SNTG2: variants seen among roughly 807,000 people sequenced by gnomAD.
The protein encoded by SNTG2 is syntrophin gamma 2.
SNTG2 carries 74 observed loss-of-function variants against 70.9 expected under a neutral mutation model. The ratio of observed to expected loss-of-function variants is 1.04; its 90% confidence interval spans 0.86 to 1.27. The LOEUF is 1.27. SNTG2 is among the 50% of genes most tolerant of loss of function. The pLI, the probability that SNTG2 is intolerant of heterozygous loss-of-function variation, is 0.00. For missense variants in SNTG2, 717 were observed against 690.7 expected (o/e 1.04, Z -0.43); for synonymous variants, 278 against 273.8 (o/e 1.02, Z -0.15).
intron 14 of SNTG2, among the ~76,000 whole-genome samples, chr2:1,293,340 A>G (rs1680067903): frequency 6.6e-6 from 1 of 151,490 alleles, no homozygotes; most frequent in African/African-American, 2.4e-5. Context: ...TTGTTTTTCT[A>G]TTTTGTCTTT....
chr2:1,134,417 C>T (rs1340307895), intron 4 of SNTG2, among the ~76,000 whole-genome samples: 1 of 151,492 alleles, frequency 6.6e-6, no homozygotes, highest in Non-Finnish European at 1.5e-5. Context: ...AAAGGTTCTC[C>T]ACTTCCCCAC....
chr2:1,258,017 T>C (rs1416471588), intron 12 of SNTG2, among the ~76,000 whole-genome samples: 1 of 152,014 alleles, frequency 6.6e-6, no homozygotes, highest in African/African-American at 2.4e-5. Context: ...CTGGGAAAGA[T>C]AAAAATGGTG....
chr2:1,072,213 G>A (rs932718604), intron 1 of SNTG2, among the ~76,000 whole-genome samples: 2 of 147,684 alleles, frequency 1.4e-5, no homozygotes, highest in Non-Finnish European at 2.9e-5. Context: ...TAGCTGGAGA[G>A]GAGAAGTCAG....
At chr2:1,143,959 A>T (rs1471859204) in intron 6 of SNTG2, among the ~76,000 whole-genome samples, 2 of 62,088 alleles carry the variant, frequency 3.2e-5, no homozygotes, top group Admixed American at 3.3e-4. Context: ...AAAAAAACAG[A>T]AATTTATTGC....
intron 4 of SNTG2, among the ~76,000 whole-genome samples, chr2:1,102,985 G>A (rs912768696): frequency 4.6e-5 from 7 of 152,308 alleles, no homozygotes; most frequent in East Asian, 1.9e-4. Context: ...TGATTGTACC[G>A]TTGAGGTGCG....
intron 1 of SNTG2, among the ~76,000 whole-genome samples, chr2:960,559 A>G (rs538213737): frequency 3.9e-4 from 59 of 151,264 alleles, no homozygotes; most frequent in African/African-American, 1.4e-3. Context: ...GTTCCGGGGC[A>G]CGGCTATAGG....
At chr2:1,090,483 A>T (rs1488616740) in intron 2 of SNTG2, among the ~76,000 whole-genome samples, 1 of 152,210 alleles carries the variant, frequency 6.6e-6, no homozygotes, top group Non-Finnish European at 1.5e-5. Flanking sequence ...GGTTTAAGTC[A>T]GAGGGAGAGA....
rs572616575 is a variant in SNTG2, at chr2:1,259,035, A to T, written c.1006-335A>T. Among the ~76,000 whole-genome samples, 11 of 152,358 alleles carry T rather than the reference A, an allele frequency of 7.2e-5. No individual in the cohort carries two copies. In the South Asian group the frequency reaches 2.3e-3, roughly 32 times the overall value. ...TTAATCCCTAATTTAATCTAAAAGG[A>T]ATCCAAAATGGTTTTCTAAAATTAT... On this transcript the variant is annotated intron_variant, in intron 12 of 16. Coordinates refer to ENST00000308624, the MANE Select transcript of SNTG2 (RefSeq NM_018968.4).
At chr2:1,089,269 G>A (rs1340082292) in intron 2 of SNTG2, among the ~76,000 whole-genome samples, 1 of 152,176 alleles carries the variant, frequency 6.6e-6, no homozygotes, top group African/African-American at 2.4e-5. Flanking sequence ...ACCCAGAATA[G>A]GGTTCACTTT....
intron 2 of SNTG2, among the ~76,000 whole-genome samples, chr2:1,091,339 A>G (rs1051562878): frequency 6.6e-6 from 1 of 152,124 alleles, no homozygotes; most frequent in Admixed American, 6.5e-5. Flanking sequence ...GGCCAGGCCC[A>G]TCAGTACAGG....
chr2:1,280,779 A>G (rs1679478238), intron 14 of SNTG2, among the ~76,000 whole-genome samples: 1 of 152,270 alleles, frequency 6.6e-6, no homozygotes, highest in African/African-American at 2.4e-5. Flanking sequence ...ACTTTCTGAA[A>G]GTATCTAACT....
chr2:1,304,136 C>T (rs1168174551), intron 14 of SNTG2, among the ~76,000 whole-genome samples: 1 of 152,168 alleles, frequency 6.6e-6, no homozygotes, highest in Non-Finnish European at 1.5e-5. Context: ...CAGTCAAAAA[C>T]ACTCCAGAAA....
At position 1,202,854 on chromosome 2, in the gene SNTG2, A is replaced by T. The variant is rs116740178; in HGVS notation, c.592-6249A>T. Among the ~76,000 whole-genome samples the T allele has an allele frequency of 3.9e-3, 601 of 152,324 alleles. 5 individuals carry two copies. Among genetic ancestry groups the T allele is most frequent in the African/African-American group, 0.013 (528 of 41,572 alleles). On this transcript the variant is annotated intron_variant, in intron 8 of 16. Coordinates refer to ENST00000308624, the MANE Select transcript of SNTG2 (RefSeq NM_018968.4). Reference sequence around the variant, plus strand: ...TATGATTTAAAAATAATATGAGTTCATCAGGAAAACATAATAATTGTAAAT... The same window carrying T: ...TATGATTTAAAAATAATATGAGTTCTTCAGGAAAACATAATAATTGTAAAT...
Position 1,032,080 on chromosome 2 carries a change from G to A in SNTG2, c.73-51438G>A, listed in dbSNP as rs192411378. 5.3e-4 allele frequency among the ~76,000 whole-genome samples: 81 copies of A among 152,274 alleles called. 1 individual carries two copies. Among genetic ancestry groups the A allele is most frequent in the Admixed American group, 1.1e-3 (17 of 15,290 alleles). On this transcript the variant is annotated intron_variant, in intron 1 of 16. Coordinates refer to ENST00000308624, the MANE Select transcript of SNTG2 (RefSeq NM_018968.4). The stretch of plus-strand genomic sequence containing the variant: ...TATTAAATAAAAGTAGCTACTGACA[G>A]CATTGCTTGTGACAGGTGGAAGGGG...
At chr2:1,085,919 T>C (rs1664657107) in intron 2 of SNTG2, among the ~76,000 whole-genome samples, 1 of 152,262 alleles carries the variant, frequency 6.6e-6, no homozygotes, top group African/African-American at 2.4e-5. Context: ...GGTGGGATGC[T>C]GTATATTACA....
chr2:1,331,921 C>T (rs376394867), intron 16 of SNTG2, among the ~76,000 whole-genome samples: 6 of 152,272 alleles, frequency 3.9e-5, no homozygotes, highest in South Asian at 2.1e-4. Context: ...TCCAGCTTCA[C>T]GACATAACCC....
intron 1 of SNTG2, among the ~76,000 whole-genome samples, chr2:989,062 AT>A (rs1331078352): frequency 6.6e-6 from 1 of 152,034 alleles, no homozygotes; most frequent in African/African-American, 2.4e-5. Context: ...AATTCAACTG[AT>A]TTTGTTTACT....
intron 1 of SNTG2, among the ~76,000 whole-genome samples, chr2:1,025,869 A>G (rs916110838): frequency 2.0e-5 from 3 of 152,098 alleles, no homozygotes; most frequent in Non-Finnish European, 4.4e-5. Context: ...AGACAGCATC[A>G]TTCATTCATT....
At chr2:1,116,428 G>T (rs1343268060) in intron 4 of SNTG2, among the ~76,000 whole-genome samples, 1 of 152,220 alleles carries the variant, frequency 6.6e-6, no homozygotes, top group Non-Finnish European at 1.5e-5. Context: ...AATTAGGGGT[G>T]CTCTTGCATG....
Sources: gnomAD v4.1 joint callset for allele counts (sites outside exome capture counted in the v4.1 genomes callset) on GRCh38, gnomAD v4.1.1 for gene constraint, MANE v1.5 for transcripts, NCBI Gene and HGNC (gene_info 2026-07-23, HGNC 2026-07-21) for gene names.